The following ZNF804B variants were observed in gnomAD, a reference collection of about 807,000 sequenced individuals.
The protein encoded by ZNF804B is zinc finger 804B.
Under a neutral mutation model 101.4 loss-of-function variants are expected in ZNF804B, and 80 were observed. The observed-to-expected ratio is 0.79, with a 90% CI of 0.66 to 0.95. The LOEUF (loss-of-function observed/expected upper bound fraction) is 0.95, where lower values mean the gene tolerates loss of function less well. ZNF804B is among the 40% of genes least tolerant of loss of function. ZNF804B has a pLI of 0.00. For synonymous variants in ZNF804B, 622 were observed against 558.8 expected, an observed-to-expected ratio of 1.11 and a Z score of -1.59; for missense variants, 1,673 against 1,561.9, an observed-to-expected ratio of 1.07 and a Z score of -1.20.
intron 1 of ZNF804B, among the ~76,000 whole-genome samples, chr7:89,134,533 A>T (rs1291598311): frequency 6.6e-6 from 1 of 151,400 alleles, no homozygotes; most frequent in African/African-American, 2.4e-5. Flanking sequence ...CAGGCATGTG[A>T]CTCCCTAAAG....
rs1383615986 is a variant in ZNF804B at position 89,336,335 on chromosome 7, A to C, written c.3353A>C (p.Tyr1118Ser). The C allele has an allele frequency of 1.2e-6, 2 of 1,613,868 alleles. No homozygotes were observed. The highest frequency in any genetic ancestry group is 3.3e-5 in the Admixed American group (2 of 59,948). ...GTAGAGGGAAATATAAACTCTTACT[A>C]TGACAGAACTATGCAGAAACCTGAC... ...NHVEGNINSY[Y>S]DRTMQKPDKV... Residue 1118 changes from tyrosine to serine, a missense_variant, in exon 4 of 4, where the codon TAT becomes TCT. Tyr to Ser is a moderately radical substitution (Grantham distance 144). Transcript: ENST00000333190.
At chr7:88,877,030 T>TATATATATATATATATATA (rs1791957964) in intron 1 of ZNF804B, among the ~76,000 whole-genome samples, 9 of 43,162 alleles carry the variant, frequency 2.1e-4, no homozygotes, top group African/African-American at 1.1e-3. Flanking sequence ...ATATATAATA[T>TATATATATATATATATATA]ATATATATAT....
At position 88,901,427 on chromosome 7, in the gene ZNF804B, T is replaced by G. The variant is rs1792388761; in HGVS notation, c.108+141343T>G. 2.6e-5 allele frequency among the ~76,000 whole-genome samples: 4 copies of G among 151,940 alleles called. 1 individual carries two copies. In the South Asian group the frequency reaches 8.3e-4, roughly 31 times the overall value. ...ACATCTTAGGATGAGTGTTTATTTCTTATTCCATGAAACGTCCATTATCAG... is the reference window on the plus strand; with the variant it reads ...ACATCTTAGGATGAGTGTTTATTTCGTATTCCATGAAACGTCCATTATCAG... On this transcript the variant is annotated intron_variant, in intron 1 of 3. Transcript: ENST00000333190.
chr7:89,321,465 C>CTGTTTTTTT (rs1562945158), intron 2 of ZNF804B, among the ~76,000 whole-genome samples: 2 of 151,852 alleles, frequency 1.3e-5, no homozygotes, highest in South Asian at 2.1e-4. Context: ...GGCAACAGAG[C>CTGTTTTTTT]GAGACCCCAT....
chr7:88,891,200 G>A (rs561953266), intron 1 of ZNF804B, among the ~76,000 whole-genome samples: 17 of 152,056 alleles, frequency 1.1e-4, no homozygotes, highest in African/African-American at 1.7e-4. Context: ...GATAATGATC[G>A]TTAATTCTAT....
intron 1 of ZNF804B, among the ~76,000 whole-genome samples, chr7:89,091,550 G>A (rs1789887091): frequency 6.6e-6 from 1 of 152,142 alleles, no homozygotes; most frequent in African/African-American, 2.4e-5. Context: ...GGGAATGAAA[G>A]CATGATATGG....
At chr7:89,307,619 A>G (rs1790584980) in intron 2 of ZNF804B, among the ~76,000 whole-genome samples, 1 of 152,060 alleles carries the variant, frequency 6.6e-6, no homozygotes, top group South Asian at 2.1e-4. Flanking sequence ...AGTATATAAA[A>G]TCTTATTTTT....
chr7:89,016,380 G>C (rs1490530988), intron 1 of ZNF804B, among the ~76,000 whole-genome samples: 2 of 150,320 alleles, frequency 1.3e-5, no homozygotes, highest in African/African-American at 2.4e-5. Flanking sequence ...TGTTGCCATT[G>C]CTTTTGGTGT....
chr7:89,289,326 A>G (rs1790252568), intron 2 of ZNF804B, among the ~76,000 whole-genome samples: 3 of 152,064 alleles, frequency 2.0e-5, no homozygotes, highest in Non-Finnish European at 2.9e-5. Context: ...GGAACACCAA[A>G]TTCAACAACT....
At chr7:89,317,765 T>C (rs1790756204) in intron 2 of ZNF804B, among the ~76,000 whole-genome samples, 1 of 152,184 alleles carries the variant, frequency 6.6e-6, no homozygotes, top group Non-Finnish European at 1.5e-5. Context: ...TTCTCCAGTA[T>C]TATCACCAGA....
At chr7:89,153,414 A>AATGATG (rs542991833) in intron 1 of ZNF804B, among the ~76,000 whole-genome samples, 2 of 140,832 alleles carry the variant, frequency 1.4e-5, no homozygotes, top group East Asian at 4.0e-4. Flanking sequence ...CACTACTACT[A>AATGATG]ATGATGATGA....
intron 1 of ZNF804B, among the ~76,000 whole-genome samples, chr7:88,865,925 T>C (rs1156664988): frequency 4.6e-5 from 7 of 152,246 alleles, no homozygotes; most frequent in Non-Finnish European, 8.8e-5. Context: ...ATCATAATAC[T>C]TATCACATTG....
intron 1 of ZNF804B, among the ~76,000 whole-genome samples, chr7:88,905,677 A>G (rs1792459140): frequency 6.6e-6 from 1 of 151,914 alleles, no homozygotes; most frequent in South Asian, 2.1e-4. Context: ...TAGTTTTTTG[A>G]TAAGTATTTT....
intron 1 of ZNF804B, among the ~76,000 whole-genome samples, chr7:88,776,352 T>C (rs764633645): frequency 1.3e-5 from 2 of 152,204 alleles, no homozygotes; most frequent in Non-Finnish European, 2.9e-5. Flanking sequence ...GATCACATTA[T>C]ACTGTAGTTG....
intron 1 of ZNF804B, among the ~76,000 whole-genome samples, chr7:89,001,411 CAG>C (rs1251550399): frequency 1.3e-5 from 2 of 150,172 alleles, no homozygotes; most frequent in Non-Finnish European, 3.0e-5. Context: ...GGAAAAAAGA[CAG>C]AAACACAATA....
intron 1 of ZNF804B, among the ~76,000 whole-genome samples, chr7:89,182,340 C>T (rs569197747): frequency 1.3e-5 from 2 of 152,216 alleles, no homozygotes; most frequent in East Asian, 1.9e-4. Context: ...GCATATTTTC[C>T]TGTTCATAAA....
Position 89,298,216 on chromosome 7 carries a change from G to GTGTATATA in ZNF804B, c.250-29127_250-29126insGTATATAT, listed in dbSNP as rs1421058768. ...ATATCTATATAGTGTGTGTGTGTGTGTATATATATATATATATATATATAT... is the reference window on the plus strand; with the variant it reads ...ATATCTATATAGTGTGTGTGTGTGTGTGTATATATATATATATATATATATATATATAT... On this transcript the variant is annotated intron_variant, in intron 2 of 3. Transcript: ENST00000333190. 2.2e-3 allele frequency among the ~76,000 whole-genome samples: 61 copies of GTGTATATA among 27,510 alleles called. 1 individual carries two copies. Among genetic ancestry groups the GTGTATATA allele is most frequent in the African/African-American group, 5.1e-3 (33 of 6,408 alleles). The allele number at this position is 27,510 out of a possible 152,430, so 18.0% of individuals were successfully genotyped here.
chr7:88,950,940 G>A (rs1339561926), intron 1 of ZNF804B, among the ~76,000 whole-genome samples: 1 of 148,650 alleles, frequency 6.7e-6, no homozygotes, highest in Non-Finnish European at 1.5e-5. Context: ...TTTTTTTTTG[G>A]CTCAGCTTTT....
intron 1 of ZNF804B, among the ~76,000 whole-genome samples, chr7:89,045,356 C>G (rs1226097232): frequency 1.3e-5 from 2 of 152,220 alleles, no homozygotes; most frequent in African/African-American, 4.8e-5. Context: ...AGATCCCACA[C>G]AGGGTCCCCA....
Sources: allele counts gnomAD v4.1 joint callset (sites outside exome capture counted in the v4.1 genomes callset), GRCh38; gene constraint gnomAD v4.1.1; transcripts MANE v1.5; gene names NCBI Gene and HGNC (gene_info 2026-07-23, HGNC 2026-07-21).